The following FAM168A variants were observed in gnomAD, a reference collection of about 807,000 sequenced individuals.
FAM168A encodes the protein protein FAM168A.
FAM168A carries 3 observed loss-of-function variants against 28.5 expected under a neutral mutation model. The ratio of observed to expected loss-of-function variants is 0.11; its 90% CI spans 0.05 to 0.27. The LOEUF (loss-of-function observed/expected upper bound fraction) is 0.27, where lower values mean the gene tolerates loss of function less well. Ranked by LOEUF, FAM168A falls within the 10% of genes least tolerant of loss-of-function variation. The probability of loss-of-function intolerance (pLI) is 1.00; values close to 1 mark genes in which losing one functional copy is unlikely to be tolerated. For missense variants in FAM168A, 222 were observed against 311.5 expected, an observed-to-expected ratio of 0.71 and a Z score of 2.16; for synonymous variants, 122 against 124.2, an observed-to-expected ratio of 0.98 and a Z score of 0.12.
chr11:73,566,498 C>T (rs1944021162), intron 1 of FAM168A, among the ~76,000 whole-genome samples: 2 of 152,180 alleles, frequency 1.3e-5, no homozygotes, highest in Admixed American at 1.3e-4. Context: ...CATGGAAAGA[C>T]AATTAAGCAT....
intron 1 of FAM168A, among the ~76,000 whole-genome samples, chr11:73,486,899 T>C (rs184506220): frequency 6.6e-6 from 1 of 152,364 alleles, no homozygotes; most frequent in East Asian, 1.9e-4. Context: ...CAAGTGTGCA[T>C]CTGTCTGGTT....
intron 1 of FAM168A, among the ~76,000 whole-genome samples, chr11:73,547,868 T>C (rs1462810119): frequency 6.7e-6 from 1 of 149,870 alleles, no homozygotes. Flanking sequence ...AAAAAACACA[T>C]GGTATATACA....
intron 2 of FAM168A, among the ~76,000 whole-genome samples, chr11:73,461,546 G>A (rs1008994451): frequency 1.3e-5 from 2 of 152,198 alleles, no homozygotes; most frequent in Admixed American, 6.5e-5. Flanking sequence ...CCAGCCACCA[G>A]ATGGACTGAG....
chr11:73,545,001 TAATATAC>T (rs1943722124), intron 1 of FAM168A, among the ~76,000 whole-genome samples: 1 of 83,514 alleles, frequency 1.2e-5, no homozygotes, highest in African/African-American at 7.5e-5. Flanking sequence ...ATAGTATATA[TAATATAC>T]TATATATATA....
chr11:73,556,500 C>A (rs1943891419), intron 1 of FAM168A, among the ~76,000 whole-genome samples: 1 of 151,740 alleles, frequency 6.6e-6, no homozygotes, highest in African/African-American at 2.4e-5. Context: ...ATCAAAATCA[C>A]AGAGACAGAA....
intron 1 of FAM168A, among the ~76,000 whole-genome samples, chr11:73,585,681 A>C (rs1288043156): frequency 6.6e-6 from 1 of 152,124 alleles, no homozygotes; most frequent in Non-Finnish European, 1.5e-5. Flanking sequence ...CAGCTTGGAC[A>C]ACATGGTGAA....
At chr11:73,445,860 TAAC>T (rs1867303296) in intron 2 of FAM168A, among the ~76,000 whole-genome samples, 2 of 152,196 alleles carry the variant, frequency 1.3e-5, no homozygotes, top group African/African-American at 4.8e-5. Flanking sequence ...TGCAAGATAG[TAAC>T]AACAGCTACT....
intron 1 of FAM168A, among the ~76,000 whole-genome samples, chr11:73,498,723 C>T (rs1156779163): frequency 1.3e-5 from 2 of 152,216 alleles, no homozygotes; most frequent in African/African-American, 4.8e-5. Flanking sequence ...ACTTGTCCCA[C>T]AGCCCAACAC....
chr11:73,468,070 T>TA (rs1168588085), intron 2 of FAM168A, among the ~76,000 whole-genome samples: 1 of 152,216 alleles, frequency 6.6e-6, no homozygotes, highest in Non-Finnish European at 1.5e-5. Context: ...TAGCATTTTT[T>TA]AAAAAAATTA....
At chr11:73,496,332 G>A (rs1854871422) in intron 1 of FAM168A, among the ~76,000 whole-genome samples, 1 of 152,208 alleles carries the variant, frequency 6.6e-6, no homozygotes, top group Non-Finnish European at 1.5e-5. Flanking sequence ...GGAAGTTGTT[G>A]TTCAACGGAT....
chr11:73,535,417 T>C (rs1943564513), intron 1 of FAM168A, among the ~76,000 whole-genome samples: 1 of 137,664 alleles, frequency 7.3e-6, no homozygotes, highest in Admixed American at 6.9e-5. Context: ...TTTCTTTCTT[T>C]CTTTTTTTTT....
chr11:73,485,060 T>G (rs1017202221), intron 1 of FAM168A, among the ~76,000 whole-genome samples: 1 of 152,146 alleles, frequency 6.6e-6, no homozygotes, highest in Non-Finnish European at 1.5e-5. Context: ...GGCAACATCT[T>G]CACAGACATA....
chr11:73,489,053 G>C (rs1868093273), intron 1 of FAM168A, among the ~76,000 whole-genome samples: 1 of 151,804 alleles, frequency 6.6e-6, no homozygotes, highest in African/African-American at 2.4e-5. Context: ...TCTAATTTTT[G>C]TATTTTTAGT....
At chr11:73,476,450 G>C (rs1407004189) in intron 1 of FAM168A, among the ~76,000 whole-genome samples, 1 of 150,778 alleles carries the variant, frequency 6.6e-6, no homozygotes, top group Non-Finnish European at 1.5e-5. Flanking sequence ...CCTCCTGATG[G>C]TGGGGTGGGG....
chr11:73,441,969 C>CT (rs1162116862), intron 2 of FAM168A, among the ~76,000 whole-genome samples: 3 of 152,080 alleles, frequency 2.0e-5, no homozygotes, highest in African/African-American at 7.2e-5. Context: ...AAATAACCAA[C>CT]TTTTGGTTTA....
At chr11:73,543,435 A>G (rs1480986764) in intron 1 of FAM168A, among the ~76,000 whole-genome samples, 4 of 151,580 alleles carry the variant, frequency 2.6e-5, no homozygotes, top group African/African-American at 4.8e-5. Flanking sequence ...TAATTTTTCT[A>G]TTTTTAATAG....
intron 2 of FAM168A, among the ~76,000 whole-genome samples, chr11:73,435,749 A>G (rs1399786819): frequency 6.6e-6 from 1 of 152,206 alleles, no homozygotes; most frequent in African/African-American, 2.4e-5. Context: ...GGATCTCTAC[A>G]GTCTTGTGAC....
At chr11:73,484,602 CTATATCGATATA>C (rs1565265830) in intron 1 of FAM168A, among the ~76,000 whole-genome samples, 3 of 91,536 alleles carry the variant, frequency 3.3e-5, no homozygotes, top group African/African-American at 1.1e-4. Context: ...ATATCGATAT[CTATATCGATATA>C]TATCTATATA....
intron 1 of FAM168A, among the ~76,000 whole-genome samples, chr11:73,513,090 T>C (rs1461020644): frequency 2.0e-5 from 3 of 152,102 alleles, no homozygotes; most frequent in African/African-American, 7.2e-5. Flanking sequence ...CTCAACAGTT[T>C]CCAGTTCCAT....
Sources: gnomAD v4.1 joint callset for allele counts (sites outside exome capture counted in the v4.1 genomes callset) on GRCh38, gnomAD v4.1.1 for gene constraint, MANE v1.5 for transcripts, NCBI Gene and HGNC (gene_info 2026-07-23, HGNC 2026-07-21) for gene names.